The following UST variants were observed in gnomAD, a reference collection of about 807,000 sequenced individuals.
UST encodes uronyl 2-sulfotransferase, also known as chondroitin sulfate 2-O-sulfotransferase.
Under a neutral mutation model 45.6 loss-of-function variants are expected in UST, and 21 were observed. That is an observed-to-expected ratio of 0.46 (90% CI 0.33 to 0.66). The LOEUF is 0.66. Ranked by LOEUF, UST falls within the 30% of genes least tolerant of loss-of-function variation. UST has a pLI of 0.02. For synonymous variants in UST, 215 were observed against 200.6 expected (o/e 1.07, Z -0.61); for missense variants, 463 against 512.4 (o/e 0.90, Z 0.93).
intron 5 of UST, among the ~76,000 whole-genome samples, chr6:148,985,862 A>G (rs1474417783): frequency 1.3e-5 from 2 of 152,222 alleles, no homozygotes; most frequent in African/African-American, 4.8e-5. Flanking sequence ...GGCTTCTTCA[A>G]GATGCAGATA....
chr6:148,928,314 G>A (rs1000802902), intron 2 of UST, among the ~76,000 whole-genome samples: 1 of 152,190 alleles, frequency 6.6e-6, no homozygotes, highest in Non-Finnish European at 1.5e-5. Flanking sequence ...CATTATAGGG[G>A]AAGTCAGAAG....
At chr6:148,915,805 T>C (rs564891480) in intron 2 of UST, among the ~76,000 whole-genome samples, 50 of 141,006 alleles carry the variant, frequency 3.5e-4, no homozygotes, top group African/African-American at 1.2e-3. Flanking sequence ...ATTTTTGTCC[T>C]AACACCAGGC....
At chr6:148,798,777 G>C (rs1018171190) in intron 1 of UST, among the ~76,000 whole-genome samples, 1 of 152,188 alleles carries the variant, frequency 6.6e-6, no homozygotes, top group Non-Finnish European at 1.5e-5. Flanking sequence ...TTACTCTTTA[G>C]TGTTAGGATG....
At position 148,898,215 on chromosome 6, in the gene UST, C is replaced by T. The variant is rs146494502; in HGVS notation, c.291+11186C>T. 4.6e-3 allele frequency among the ~76,000 whole-genome samples: 705 copies of T among 152,208 alleles called. 6 individuals carry two copies. Among genetic ancestry groups the T allele is most frequent in the African/African-American group, 0.016 (655 of 41,504 alleles). ...ATGACCTTGAAAGAGTCCCTTCCAC[C>T]CTCTCATTTTTTTTATCATTGCAAG... On this transcript the variant is annotated intron_variant, in intron 2 of 7. Transcript: ENST00000367463.
chr6:148,760,198 G>T (rs1229875178), intron 1 of UST, among the ~76,000 whole-genome samples: 1 of 152,186 alleles, frequency 6.6e-6, no homozygotes, highest in East Asian at 1.9e-4. Context: ...CTCCACCTCC[G>T]CCAGAACTTG....
intron 1 of UST, among the ~76,000 whole-genome samples, chr6:148,869,202 T>A (rs961818395): frequency 1.3e-5 from 2 of 152,216 alleles, no homozygotes; most frequent in Admixed American, 6.5e-5. Flanking sequence ...TTTGGTGTAG[T>A]TTTGTTTTTT....
chr6:149,052,028 G>A lies in UST; in HGVS notation c.938-21805G>A, dbSNP rs115981066. 4.6e-3 allele frequency among the ~76,000 whole-genome samples: 703 copies of A among 152,292 alleles called. 12 individuals are homozygous for A. The highest frequency in any genetic ancestry group is 0.016 in the African/African-American group (651 of 41,550). On this transcript the variant is annotated intron_variant, in intron 7 of 7. Coordinates refer to ENST00000367463, the MANE Select transcript of UST (RefSeq NM_005715.3). ...ATCAAGAAGTGCTTTGGAATTTTATGCACCTAATGAATGTATAGGTGGGGA... is the reference window on the plus strand; with the variant it reads ...ATCAAGAAGTGCTTTGGAATTTTATACACCTAATGAATGTATAGGTGGGGA...
chr6:148,964,683 G>A (rs910952315), intron 5 of UST, 120 bp downstream of exon 5: 238 of 1,323,540 alleles, frequency 1.8e-4, no homozygotes, highest in African/African-American at 4.4e-5. Flanking sequence ...GGAGCGTGGC[G>A]CAGAGAGGGT....
chr6:148,800,565 G>T (rs559307065), intron 1 of UST, among the ~76,000 whole-genome samples: 34,179 of 151,814 alleles, frequency 0.23, 4,150 homozygotes, highest in East Asian at 0.4. Flanking sequence ...TGGTTACCAG[G>T]AATGATTATA....
At chr6:148,828,116 T>C (rs1436636110) in intron 1 of UST, among the ~76,000 whole-genome samples, 2 of 152,092 alleles carry the variant, frequency 1.3e-5, no homozygotes, top group Non-Finnish European at 2.9e-5. Context: ...TTGACTTCTG[T>C]CAAATATATA....
At chr6:149,020,990 C>G (rs886102502) in intron 6 of UST, among the ~76,000 whole-genome samples, 3 of 152,238 alleles carry the variant, frequency 2.0e-5, no homozygotes, top group African/African-American at 7.2e-5. Context: ...AAAAACCATT[C>G]TACTCACCCC....
At chr6:148,928,119 C>G (rs913617364) in intron 2 of UST, among the ~76,000 whole-genome samples, 1 of 129,614 alleles carries the variant, frequency 7.7e-6, no homozygotes, top group African/African-American at 2.7e-5. Context: ...CTCAACCCAT[C>G]ACTAAGATTT....
At chr6:149,036,484 T>C (rs1776241588) in intron 7 of UST, among the ~76,000 whole-genome samples, 1 of 152,264 alleles carries the variant, frequency 6.6e-6, no homozygotes, top group Admixed American at 6.5e-5. Flanking sequence ...AAATTATCAT[T>C]CCTTCACTGT....
chr6:148,868,622 T>C (rs1192018594), intron 1 of UST, among the ~76,000 whole-genome samples: 1 of 152,218 alleles, frequency 6.6e-6, no homozygotes, highest in Non-Finnish European at 1.5e-5. Flanking sequence ...AGAGTATTTA[T>C]GAGCCACGGT....
chr6:148,749,150 A>G (rs890494875), intron 1 of UST, among the ~76,000 whole-genome samples: 1 of 152,224 alleles, frequency 6.6e-6, no homozygotes, highest in African/African-American at 2.4e-5. Flanking sequence ...AGATTTCCAT[A>G]GCATTTGGTT....
At chr6:148,921,594 C>T (rs1779707906) in intron 2 of UST, among the ~76,000 whole-genome samples, 1 of 152,182 alleles carries the variant, frequency 6.6e-6, no homozygotes, top group Non-Finnish European at 1.5e-5. Context: ...TTAAGCATTT[C>T]CCTCTCTGGA....
intron 2 of UST, among the ~76,000 whole-genome samples, chr6:148,911,802 TATTA>T (rs1365976349): frequency 1.3e-5 from 2 of 152,238 alleles, no homozygotes; most frequent in East Asian, 1.9e-4. Context: ...TTTGTTCTTG[TATTA>T]ATTGTCTTAT....
intron 1 of UST, among the ~76,000 whole-genome samples, chr6:148,866,116 A>G (rs943933606): frequency 2.6e-5 from 4 of 152,106 alleles, no homozygotes; most frequent in Non-Finnish European, 4.4e-5. Flanking sequence ...TTTTTCCATG[A>G]CAATATTGAT....
At chr6:149,039,988 C>T (rs1004354236) in intron 7 of UST, among the ~76,000 whole-genome samples, 5 of 152,186 alleles carry the variant, frequency 3.3e-5, no homozygotes, top group Admixed American at 3.3e-4. Flanking sequence ...TGGTTACTCA[C>T]CGAGCGTGTC....
Sources: allele counts gnomAD v4.1 joint callset (sites outside exome capture counted in the v4.1 genomes callset), GRCh38; gene constraint gnomAD v4.1.1; transcripts MANE v1.5; gene names NCBI Gene and HGNC (gene_info 2026-07-23, HGNC 2026-07-21).